The following CAND2 variants were observed in gnomAD, a reference collection of about 807,000 sequenced individuals.
CAND2 encodes the protein cullin-associated NEDD8-dissociated protein 2.
CAND2 carries 62 observed loss-of-function variants against 98.9 expected under a neutral mutation model. That is an observed-to-expected ratio of 0.63 (90% CI 0.51 to 0.77). CAND2 has a LOEUF of 0.77. Among genes scored for constraint, CAND2 ranks in the 30% least tolerant of loss-of-function variants. The pLI, the probability that CAND2 is intolerant of heterozygous loss-of-function variation, is 0.00. For synonymous variants in CAND2, 770 were observed against 731.9 expected (o/e 1.05, Z -0.84); for missense variants, 1,501 against 1,655.2 (o/e 0.91, Z 1.62).
rs751880071 is a variant in CAND2 at position 12,814,120 on chromosome 3, C to T, written c.1006+732C>T. On this transcript the variant is annotated intron_variant, in intron 7 of 14. Transcript: ENST00000456430. ...GCTAAGGATGTGTGTTCGTGGGTGGCCTACTGTGGGGGTGACAGTGATCCA... is the reference window on the plus strand; with the variant it reads ...GCTAAGGATGTGTGTTCGTGGGTGGTCTACTGTGGGGGTGACAGTGATCCA... Among the ~76,000 whole-genome samples the T allele has an allele frequency of 1.3e-5, 2 of 152,200 alleles. 1 individual carries two copies. Among genetic ancestry groups the T allele is most frequent in the South Asian group, 4.1e-4 (2 of 4,828 alleles).
intron 9 of CAND2, 39 bp downstream of exon 9, chr3:12,816,047 C>T (rs1409256041): frequency 1.3e-6 from 2 of 1,593,092 alleles, no homozygotes; most frequent in Non-Finnish European, 1.7e-6. Flanking sequence ...TGTTCTGGGC[C>T]ACTTCCAGAA....
intron 11 of CAND2, 128 bp from the exon 12 acceptor site, chr3:12,825,342 A>G (rs968902542): frequency 1.0e-5 from 9 of 866,688 alleles, no homozygotes; most frequent in South Asian, 1.7e-5. Flanking sequence ...GTAGATGCTC[A>G]CCACACCCAG....
At chr3:12,824,452 C>T (rs767557547) in intron 11 of CAND2, among the ~76,000 whole-genome samples, 2 of 152,174 alleles carry the variant, frequency 1.3e-5, no homozygotes, top group African/African-American at 4.8e-5. Flanking sequence ...AGACGAGAGG[C>T]GGGGCTTAAC....
intron 5 of CAND2, among the ~76,000 whole-genome samples, chr3:12,812,303 A>G (rs2061858683): frequency 7.2e-6 from 1 of 138,262 alleles, no homozygotes; most frequent in Non-Finnish European, 1.5e-5. Flanking sequence ...GTCTCACTGC[A>G]ACCTCCACCT....
In CAND2 at chr3:12,810,387, ACT is replaced by A. The variant is rs571459061; in HGVS notation, c.757+65_757+66del. 6.9e-5 allele frequency: 94 copies of A among 1,352,532 alleles called. No individual in the cohort carries two copies. In the East Asian group the frequency reaches 2.7e-3, roughly 39 times the overall value. 83.8% of individuals were successfully genotyped at this position (1,352,532 alleles called of 1,614,324 possible). ...GGGCGGAGCTTAGGGTGAGCCAATGACTCGGTAAAGGGGCGGAGCTTGGGCCG... is the reference window on the plus strand; with the variant it reads ...GGGCGGAGCTTAGGGTGAGCCAATGACGGTAAAGGGGCGGAGCTTGGGCCG... On this transcript the variant is annotated intron_variant, in intron 5 of 14. Coordinates refer to ENST00000456430, the MANE Select transcript of CAND2 (RefSeq NM_001162499.2).
intron 1 of CAND2, among the ~76,000 whole-genome samples, chr3:12,799,648 G>C (rs979531500): frequency 6.6e-6 from 1 of 152,202 alleles, no homozygotes; most frequent in Non-Finnish European, 1.5e-5. Flanking sequence ...GCCCTCTGCA[G>C]ACCTGTTCTT....
chr3:12,809,268 TGAACTTGAGGCTCCTGGGAGGC>T (rs1349176567), intron 4 of CAND2, among the ~76,000 whole-genome samples: 1 of 151,968 alleles, frequency 6.6e-6, no homozygotes, highest in Non-Finnish European at 1.5e-5. Context: ...TGGGGCATGT[TGAACTTGAGGCTCCTGGGAGGC>T]ACTCACTCAA....
At chr3:12,818,465 GA>G (rs1267287356) in intron 10 of CAND2, among the ~76,000 whole-genome samples, 3 of 152,234 alleles carry the variant, frequency 2.0e-5, no homozygotes, top group Non-Finnish European at 4.4e-5. Flanking sequence ...ACATGCCCCC[GA>G]GGCTTGGAGA....
Position 12,816,584 on chromosome 3 carries a change from C to T in CAND2, c.1652C>T (p.Ala551Val), listed in dbSNP as rs2061904586. 16 of 1,613,894 alleles carry T rather than the reference C, an allele frequency of 9.9e-6. No individual in the cohort carries two copies. The highest frequency in any genetic ancestry group is 1.6e-4 in the Middle Eastern group (1 of 6,062). ...GTGGTGCTGCAGGAGCTGGTGCGGG[C>T]CCTGTGGCCGCTGCACAGGCCTCGG... Reference protein sequence around the residue: ...ALVVLQELVRALWPLHRPRML... With the variant: ...ALVVLQELVRVLWPLHRPRML... The change falls in exon 10 of 15, where the codon GCC (alanine) becomes GTC (valine). Residue 551 changes from alanine (A) to valine (V), a missense_variant. By Grantham distance (64) the Ala-to-Val change is moderately conservative (BLOSUM62 0). Coordinates refer to ENST00000456430, the MANE Select transcript of CAND2 (RefSeq NM_001162499.2).
rs765180511 is a variant in CAND2, at chr3:12,815,983, C to T, written c.1416C>T (p.Ala472=). Residue 472 remains alanine, a synonymous_variant, in exon 9 of 15, where the codon GCC becomes GCT. Transcript: ENST00000456430. The surrounding 1 kb of genome is among the most constrained non-coding windows in gnomAD (Gnocchi z 5.7). ...CGGGTGTCCTCCCAGGCAGCCTGGC[C>T]GAGCATATGCCTGTGCTGGTATCAG... ...ELAGVLPGSL[A]EHMPVLVSGI... The T allele has an allele frequency of 2.1e-5, 34 of 1,613,754 alleles. No homozygotes were observed. The highest frequency in any genetic ancestry group is 5.0e-5 in the Admixed American group (3 of 59,976).
In CAND2 at chr3:12,810,235, C is replaced by G. The variant is rs750770891; in HGVS notation, c.668C>G (p.Pro223Arg). Residue 223 changes from proline (P) to arginine (R), a missense_variant, in exon 5 of 15, where the codon CCC (proline) becomes CGC (arginine). Transcript: ENST00000456430. The stretch of plus-strand genomic sequence containing the variant: ...GCTGACCACCTACTGGACCGGCTGC[C>G]CGGCCCGCGGGTGCCCACCAGCCCG... ...ELADHLLDRLPGPRVPTSPTA... is the reference protein window; with the variant it reads ...ELADHLLDRLRGPRVPTSPTA... 2.0e-6 allele frequency: 3 copies of G among 1,532,618 alleles called. No homozygotes were observed. The highest frequency in any genetic ancestry group is 1.2e-5 in the South Asian group (1 of 82,422). The allele number at this position is 1,532,618 out of a possible 1,614,324, so 94.9% of individuals were successfully genotyped here.
chr3:12,816,846 C>A lies in CAND2; in HGVS notation c.1914C>A (p.Ala638=). 1 of 1,613,792 alleles carries A rather than the reference C, an allele frequency of 6.2e-7. No homozygotes were observed. The highest frequency in any genetic ancestry group is 1.1e-5 in the South Asian group (1 of 91,088). Residue 638 remains alanine (A), a synonymous_variant, in exon 10 of 15, where the codon GCC becomes GCA. Coordinates refer to ENST00000456430, the MANE Select transcript of CAND2 (RefSeq NM_001162499.2). ...LPAIKALTLV[A]VSPLQLDLQP... is the part of the protein sequence containing the mutation. ...CCATCAAGGCGCTTACGCTGGTGGCCGTATCCCCACTACAGCTTGACCTAC... is the reference window on the plus strand; with the variant it reads ...CCATCAAGGCGCTTACGCTGGTGGCAGTATCCCCACTACAGCTTGACCTAC...
At chr3:12,803,433 A>C in intron 1 of CAND2, 55 bp from the exon 2 acceptor site, 2 of 1,519,140 alleles carry the variant, frequency 1.3e-6, no homozygotes, top group Non-Finnish European at 1.8e-6. Flanking sequence ...GGTACTGCCC[A>C]AATCCACCAG....
chr3:12,821,233 CAAAA>C (rs10589402), intron 11 of CAND2, among the ~76,000 whole-genome samples: 1 of 139,876 alleles, frequency 7.1e-6, no homozygotes, highest in Non-Finnish European at 1.5e-5. Context: ...GACTCCGTCT[CAAAA>C]AAAAAAAAAA....
chr3:12,830,076 C>A (rs1378697839), intron 13 of CAND2, among the ~76,000 whole-genome samples: 1 of 152,158 alleles, frequency 6.6e-6, no homozygotes, highest in East Asian at 1.9e-4. Flanking sequence ...CCTCCTGCAG[C>A]GGGCGTGCCT....
intron 1 of CAND2, among the ~76,000 whole-genome samples, chr3:12,798,631 G>C (rs1442331639): frequency 6.6e-6 from 1 of 152,206 alleles, no homozygotes; most frequent in Non-Finnish European, 1.5e-5. Context: ...TGGCCTAGGG[G>C]ATTTGCGCTA....
Position 12,816,809 on chromosome 3 carries a change from C to A in CAND2, c.1877C>A (p.Thr626Asn). ...LLLDRLRNEI[T>N]RLPAIKALTL... ...CTGGACCGCCTGCGGAATGAGATCA[C>A]CCGGCTGCCCGCCATCAAGGCGCTT... Residue 626 changes from threonine (T) to asparagine (N), a missense_variant, in exon 10 of 15, where the codon ACC becomes AAC. By Grantham distance (65) the Thr-to-Asn change is moderately conservative. This residue lies in a region of CAND2 where 1,427 missense variants were observed against 1,545.3 expected (regional missense o/e 0.92). Coordinates refer to ENST00000456430, the MANE Select transcript of CAND2 (RefSeq NM_001162499.2). The A allele has an allele frequency of 1.2e-6, 2 of 1,613,662 alleles. No individual in the cohort carries two copies. Among genetic ancestry groups the A allele is most frequent in the Non-Finnish European group, 1.7e-6 (2 of 1,180,036 alleles).
In CAND2 at chr3:12,810,309, G is replaced by T; in HGVS notation, c.742G>T (p.Ala248Ser). The part of the protein sequence containing the change: ...IQCLGSVGRQ[A>S]GHRLGAHLDR... The stretch of plus-strand genomic sequence containing the variant: ...ATGTTTGGGCAGCGTCGGCCGCCAG[G>T]CCGGCCACCGCCTCGGTAAGGGGGC... Residue 248 changes from alanine to serine, a missense_variant, in exon 5 of 15, where the codon GCC becomes TCC. Physicochemically the swap from Ala to Ser is moderately conservative, Grantham distance 99 (BLOSUM62 1). This residue lies in a region of CAND2 where 1,427 missense variants were observed against 1,545.3 expected (regional missense o/e 0.92). Coordinates refer to ENST00000456430, the MANE Select transcript of CAND2 (RefSeq NM_001162499.2). The T allele has an allele frequency of 6.9e-7, 1 of 1,457,292 alleles. No homozygotes were observed. The highest frequency in any genetic ancestry group is 9.1e-7 in the Non-Finnish European group (1 of 1,104,814). 90.3% of individuals were successfully genotyped at this position (1,457,292 alleles called of 1,614,324 possible). A position where few individuals can be genotyped will look rare whatever the true frequency, so the allele number is the denominator to read the frequency against.
rs568801453 is a variant in CAND2, at chr3:12,810,418, T to C, written c.757+94T>C. 9 of 1,103,408 alleles carry C rather than the reference T, an allele frequency of 8.2e-6. No individual in the cohort carries two copies. In the African/African-American group the frequency reaches 1.3e-4, roughly 15 times the overall value. The allele number at this position is 1,103,408 out of a possible 1,614,324, so 68.4% of individuals were successfully genotyped here. On this transcript the variant is annotated intron_variant, in intron 5 of 14. Coordinates refer to ENST00000456430, the MANE Select transcript of CAND2 (RefSeq NM_001162499.2). ...TAAAGGGGCGGAGCTTGGGCCGCAG[T>C]GCAGCCAGGGCCTAAGGGTGGGCCG...
Sources: allele counts gnomAD v4.1 joint callset (sites outside exome capture counted in the v4.1 genomes callset), GRCh38; gene constraint gnomAD v4.1.1; regional missense constraint gnomAD v4.1.1; non-coding constraint Gnocchi (gnomAD v3.1); transcripts MANE v1.5; gene names NCBI Gene and HGNC (gene_info 2026-07-23, HGNC 2026-07-21).